RBFOX1: variants seen among roughly 807,000 people sequenced by gnomAD.
RBFOX1 encodes RNA binding fox-1 homolog 1.
A neutral mutation model predicts 57.7 loss-of-function variants in RBFOX1; 8 were observed. That is an observed-to-expected ratio of 0.14 (90% CI 0.08 to 0.25). RBFOX1 has a LOEUF of 0.25. Among genes scored for constraint, RBFOX1 ranks in the 10% least tolerant of loss-of-function variants. The pLI is 1.00. For synonymous variants in RBFOX1, 326 were observed against 222.4 expected, an observed-to-expected ratio of 1.47 and a Z score of -4.15; for missense variants, 611 against 548.5, an observed-to-expected ratio of 1.11 and a Z score of -1.14.
intron 3 of RBFOX1, among the ~76,000 whole-genome samples, chr16:5,706,494 C>A (rs377064124): frequency 2.6e-5 from 4 of 152,194 alleles, no homozygotes; most frequent in African/African-American, 9.7e-5. Flanking sequence ...GGGTTGAAAA[C>A]ACGTCCTGGG....
chr16:7,326,128 C>A (rs879298535), intron 4 of RBFOX1, among the ~76,000 whole-genome samples: 9 of 152,184 alleles, frequency 5.9e-5, no homozygotes, highest in East Asian at 1.9e-4. Flanking sequence ...GGTAACAGAT[C>A]ATTCTCAAAT....
At chr16:5,409,611 G>A (rs541982286) in intron 1 of RBFOX1, among the ~76,000 whole-genome samples, 2 of 152,290 alleles carry the variant, frequency 1.3e-5, no homozygotes, top group African/African-American at 2.4e-5. Context: ...TAGGTGCTGG[G>A]AATATAGCTG....
At chr16:7,327,099 A>G (rs947727606) in intron 4 of RBFOX1, among the ~76,000 whole-genome samples, 2 of 152,200 alleles carry the variant, frequency 1.3e-5, no homozygotes. Flanking sequence ...ACTTTCGGAC[A>G]AAGGTGATGG....
intron 4 of RBFOX1, among the ~76,000 whole-genome samples, chr16:7,230,894 C>T (rs536377809): frequency 6.6e-6 from 1 of 152,108 alleles, no homozygotes; most frequent in Non-Finnish European, 1.5e-5. Flanking sequence ...TTGTAGAAAT[C>T]AACTTTGTCT....
At chr16:7,244,385 T>C (rs2152986781) in intron 4 of RBFOX1, among the ~76,000 whole-genome samples, 1 of 152,252 alleles carries the variant, frequency 6.6e-6, no homozygotes, top group Non-Finnish European at 1.5e-5. Flanking sequence ...CCATGGACCA[T>C]GCTGGTCCTT....
intron 4 of RBFOX1, among the ~76,000 whole-genome samples, chr16:5,968,733 T>C (rs947900356): frequency 2.6e-5 from 4 of 152,158 alleles, no homozygotes; most frequent in Admixed American, 6.5e-5. Context: ...TGTGATTCCA[T>C]TAATTTTTAA....
intron 3 of RBFOX1, among the ~76,000 whole-genome samples, chr16:6,767,894 A>T (rs2077567089): frequency 6.7e-6 from 1 of 148,756 alleles, no homozygotes. Flanking sequence ...AGCCTGGGCA[A>T]CAGAGTAAGG....
intron 11 of RBFOX1, among the ~76,000 whole-genome samples, chr16:7,644,170 T>A (rs764051084): frequency 6.6e-6 from 1 of 152,180 alleles, no homozygotes; most frequent in Non-Finnish European, 1.5e-5. Flanking sequence ...GGTGTCAGGC[T>A]GCCTTGGTTC....
intron 2 of RBFOX1, among the ~76,000 whole-genome samples, chr16:6,472,820 T>C (rs1320089312): frequency 6.6e-6 from 1 of 152,020 alleles, no homozygotes; most frequent in Non-Finnish European, 1.5e-5. Context: ...AGATGGGGTT[T>C]TACCGTGTTG....
chr16:7,202,892 A>G lies in RBFOX1; in HGVS notation c.27+150794A>G, dbSNP rs545679274. Reference sequence around the variant, plus strand: ...TCTGCTGAAGTACAGCCTCAAAGAAATGTTCTTTTTTTTTGAGACCGAGTC... The same window carrying G: ...TCTGCTGAAGTACAGCCTCAAAGAAGTGTTCTTTTTTTTTGAGACCGAGTC... On this transcript the variant is annotated intron_variant, in intron 4 of 15. Coordinates refer to ENST00000550418, the MANE Select transcript of RBFOX1 (RefSeq NM_018723.4). Among the ~76,000 whole-genome samples, 13 of 152,150 alleles carry G rather than the reference A, an allele frequency of 8.5e-5. No homozygotes were observed. The East Asian group carries it at 2.3e-3, about 27-fold the overall frequency.
intron 5 of RBFOX1, among the ~76,000 whole-genome samples, chr16:7,546,648 T>C (rs1012214697): frequency 1.3e-5 from 2 of 152,228 alleles, no homozygotes; most frequent in South Asian, 2.1e-4. Context: ...GATTTCTCTT[T>C]AACTTAAAAT....
At chr16:6,783,154 C>T (rs2081314170) in intron 3 of RBFOX1, among the ~76,000 whole-genome samples, 1 of 151,016 alleles carries the variant, frequency 6.6e-6, no homozygotes, top group East Asian at 1.9e-4. Flanking sequence ...TTATAGGCAG[C>T]ATATAGTTGG....
rs964010962 is a variant in RBFOX1, at chr16:5,923,700, C to G, written c.351+56365C>G. Among the ~76,000 whole-genome samples the G allele has an allele frequency of 3.3e-5, 5 of 152,016 alleles. No homozygotes were observed. In the East Asian group the frequency reaches 7.7e-4, roughly 23 times the overall value. ...GGGATTACAGGCATGCGCCACCACA[C>G]CTGCTAATTTTTGTGTTTTTAGTGG... On this transcript the variant is annotated intron_variant, in intron 4 of 19. Transcript: ENST00000641259.
At chr16:7,239,891 G>T (rs1336146710) in intron 4 of RBFOX1, among the ~76,000 whole-genome samples, 1 of 151,750 alleles carries the variant, frequency 6.6e-6, no homozygotes, top group Non-Finnish European at 1.5e-5. Context: ...TGTGCTAAAA[G>T]GAACATTTCT....
At chr16:6,022,856 G>A (rs2095110338) in intron 1 of RBFOX1, among the ~76,000 whole-genome samples, 1 of 152,146 alleles carries the variant, frequency 6.6e-6, no homozygotes, top group African/African-American at 2.4e-5. Flanking sequence ...TTTTAGTTTT[G>A]TTGTGGCAAG....
chr16:7,138,073 G>C (rs928696633), intron 4 of RBFOX1, among the ~76,000 whole-genome samples: 1 of 152,148 alleles, frequency 6.6e-6, no homozygotes, highest in Non-Finnish European at 1.5e-5. Flanking sequence ...ATGAAGCAAT[G>C]TTTGGAGAGA....
intron 3 of RBFOX1, among the ~76,000 whole-genome samples, chr16:5,811,477 A>C (rs576018566): frequency 6.7e-6 from 1 of 148,550 alleles, no homozygotes; most frequent in South Asian, 2.1e-4. Flanking sequence ...TTTAAGATGG[A>C]ATCTCATTCT....
At chr16:5,539,248 G>T (rs1449457359) in intron 2 of RBFOX1, among the ~76,000 whole-genome samples, 1 of 152,152 alleles carries the variant, frequency 6.6e-6, no homozygotes, top group Non-Finnish European at 1.5e-5. Context: ...TCACAGGAAT[G>T]CAGGAGAATC....
chr16:6,999,103 A>G (rs2092531970), intron 3 of RBFOX1, among the ~76,000 whole-genome samples: 1 of 150,334 alleles, frequency 6.7e-6, no homozygotes, highest in Non-Finnish European at 1.5e-5. Flanking sequence ...TCCTGACTTC[A>G]GGTGATCCGC....
Sources: gnomAD v4.1 joint callset for allele counts (sites outside exome capture counted in the v4.1 genomes callset) on GRCh38, gnomAD v4.1.1 for gene constraint, MANE v1.5 for transcripts, NCBI Gene and HGNC (gene_info 2026-07-23, HGNC 2026-07-21) for gene names.